Variants in MX2 observed in about 807,000 individuals in gnomAD.
The protein encoded by MX2 is interferon-induced GTP-binding protein Mx2.
Under a neutral mutation model 74.0 loss-of-function variants are expected in MX2, and 51 were observed. The observed-to-expected ratio is 0.69, with a 90% CI of 0.55 to 0.87. The LOEUF (loss-of-function observed/expected upper bound fraction) is 0.87, where lower values mean the gene tolerates loss of function less well. Among genes scored for constraint, MX2 ranks in the 40% least tolerant of loss-of-function variants. The pLI, the probability that MX2 is intolerant of heterozygous loss-of-function variation, is 0.00. For missense variants in MX2, 832 were observed against 908.7 expected (o/e 0.92, Z 1.09); for synonymous variants, 369 against 339.3 (o/e 1.09, Z -0.96).
At chr21:41,386,799 G>A (rs2089584040) in intron 5 of MX2, among the ~76,000 whole-genome samples, 1 of 152,198 alleles carries the variant, frequency 6.6e-6, no homozygotes, top group African/African-American at 2.4e-5. Context: ...TGGAACTTCA[G>A]CCTTTGCTTG....
At chr21:41,407,354 A>G (rs1403981974) in intron 13 of MX2, among the ~76,000 whole-genome samples, 1 of 152,158 alleles carries the variant, frequency 6.6e-6, no homozygotes, top group African/African-American at 2.4e-5. Flanking sequence ...TGTGACTATA[A>G]ACTAGCTTTC....
chr21:41,377,106 C>T lies in MX2; in HGVS notation c.200C>T (p.Thr67Ile), dbSNP rs1424895290. Residue 67 changes from threonine (T) to isoleucine (I), a missense_variant, in exon 2 of 14, where the codon ACT (threonine) becomes ATT (isoleucine). By Grantham distance (89) the Thr-to-Ile change is moderately conservative. Transcript: ENST00000330714. Reference sequence around the variant, plus strand: ...CTCGCCAAGGACTTCAACTTTCTCACTTTGAACAATCAGCCACCACCAGGA... The same window carrying T: ...CTCGCCAAGGACTTCAACTTTCTCATTTTGAACAATCAGCCACCACCAGGA... ...AFLAKDFNFL[T>I]LNNQPPPGNR... is the part of the protein sequence containing the mutation. 6.2e-7 allele frequency: 1 copy of T among 1,614,218 alleles called. No individual in the cohort carries two copies. The highest frequency in any genetic ancestry group is 1.1e-5 in the South Asian group (1 of 91,084).
At chr21:41,377,655 C>T (rs2089424496) in intron 2 of MX2, 134 bp from the exon 3 acceptor site, 2 of 875,296 alleles carry the variant, frequency 2.3e-6, no homozygotes, top group Non-Finnish European at 3.5e-6. Context: ...CAGCAGCACC[C>T]CTCCATCCAC....
rs112560420 is a variant in MX2, at chr21:41,385,607, T to C, written c.732+3043T>C. ...TCTGTACAAATTTCGCTGTCTCTGG[T>C]ATGTCTTTATGAGCAGTGTGAGAAC... On this transcript the variant is annotated intron_variant, in intron 5 of 13. Coordinates refer to ENST00000330714, the MANE Select transcript of MX2 (RefSeq NM_002463.2). Among the ~76,000 whole-genome samples the C allele has an allele frequency of 3.4e-3, 514 of 152,280 alleles. 9 individuals carry two copies. The highest frequency in any genetic ancestry group is 0.012 in the African/African-American group (502 of 41,546).
chr21:41,395,691 A>C lies in MX2; in HGVS notation c.976A>C (p.Lys326Gln), dbSNP rs2089725176. Residue 326 changes from lysine (K) to glutamine (Q), a missense_variant, in exon 7 of 14, where the codon AAG (lysine) becomes CAG (glutamine). Transcript: ENST00000330714. ...CCTCAAGAAGGGCTACATGATTGTG[A>C]AGTGCCGGGGCCAGCAGGAGATCAC... The part of the protein sequence containing the change: ...YPLKKGYMIV[K>Q]CRGQQEITNR... 1 of 1,614,218 alleles carries C rather than the reference A, an allele frequency of 6.2e-7. No individual in the cohort carries two copies. Among genetic ancestry groups the C allele is most frequent in the African/African-American group, 1.3e-5 (1 of 75,050 alleles).
chr21:41,393,960 G>T (rs994379593), intron 6 of MX2, among the ~76,000 whole-genome samples: 1 of 152,120 alleles, frequency 6.6e-6, no homozygotes, highest in Non-Finnish European at 1.5e-5. Context: ...CAAGTCTAAT[G>T]TATCTGAAGT....
rs1454043472 is a variant in MX2, at chr21:41,402,045, A to T, written c.1490A>T (p.Asn497Ile). The T allele has an allele frequency of 6.2e-7, 1 of 1,614,218 alleles. No homozygotes were observed. The highest frequency in any genetic ancestry group is 8.5e-7 in the Non-Finnish European group (1 of 1,180,046). Reference sequence around the variant, plus strand: ...GGCAAGGAGCTTCTGGGATTTGTCAACTACAAGACATTTGAGATCATCGTG... The same window carrying T: ...GGCAAGGAGCTTCTGGGATTTGTCATCTACAAGACATTTGAGATCATCGTG... ...YRGKELLGFV[N>I]YKTFEIIVHQ... is the part of the protein sequence containing the mutation. The change falls in exon 11 of 14, where the codon AAC becomes ATC. Residue 497 changes from asparagine to isoleucine, a missense_variant. Physicochemically the swap from Asn to Ile is moderately radical, Grantham distance 149 (BLOSUM62 -3). Coordinates refer to ENST00000330714, the MANE Select transcript of MX2 (RefSeq NM_002463.2). This position sits in a 1 kb window ranked among gnomAD's most constrained non-coding sequence, Gnocchi z 4.5.
At chr21:41,378,105 C>A in intron 3 of MX2, 124 bp downstream of exon 3, 1 of 1,251,328 alleles carries the variant, frequency 8.0e-7, no homozygotes, top group South Asian at 1.5e-5. Context: ...AAAGACAGGA[C>A]GCTGGGAGAG....
At position 41,397,140 on chromosome 21, in the gene MX2, C is replaced by T. The variant is rs564806121; in HGVS notation, c.1071-473C>T. Among the ~76,000 whole-genome samples, 12 of 152,306 alleles carry T rather than the reference C, an allele frequency of 7.9e-5. No homozygotes were observed. The South Asian group carries it at 2.5e-3, about 32-fold the overall frequency. On this transcript the variant is annotated intron_variant, in intron 7 of 13. Transcript: ENST00000330714. ...TGGCAAACATGCTGCAGCCACGCTG[C>T]CTGCTGTGTGGCTGCAGCAAGCAAA...
At chr21:41,399,118 T>C (rs1259833794) in intron 9 of MX2, 78 bp from the exon 10 acceptor site, 1 of 1,594,666 alleles carries the variant, frequency 6.3e-7, no homozygotes, top group Non-Finnish European at 8.6e-7. Context: ...GGTGGGCGGG[T>C]GGACATCTCC....
intron 1 of MX2, among the ~76,000 whole-genome samples, chr21:41,375,314 G>A (rs1222716801): frequency 6.6e-6 from 1 of 152,254 alleles, no homozygotes; most frequent in Admixed American, 6.5e-5. Context: ...ACCACGTGGT[G>A]GAAAGTGCCT....
chr21:41,398,818 G>A (rs1480854239), intron 8 of MX2, 79 bp from the exon 9 acceptor site: 1 of 1,552,224 alleles, frequency 6.4e-7, no homozygotes, highest in East Asian at 2.3e-5. Context: ...GCTTTAAAGG[G>A]CTCCTACTCA....
chr21:41,377,296 C>G, intron 2 of MX2, 141 bp downstream of exon 2: 1 of 1,233,312 alleles, frequency 8.1e-7, no homozygotes, highest in Non-Finnish European at 1.1e-6. Context: ...CCTGGTCATG[C>G]CCAACAAGTA....
At chr21:41,403,576 G>A (rs779947493) in intron 12 of MX2, 1 of 732,116 alleles carries the variant, frequency 1.4e-6, no homozygotes, top group East Asian at 2.7e-5. Flanking sequence ...TGCGGCCCGT[G>A]CCCTGCCATC....
Position 41,408,111 on chromosome 21 carries a change from TCC to T in MX2, c.2027_2028del (p.Ser676LeufsTer8). On this transcript the variant is annotated frameshift_variant, in exon 14 of 14. Transcript: ENST00000330714. LOFTEE classifies it low-confidence loss of function (END_TRUNC). Reference protein sequence around the residue: ...MQILQEKNRYSWLLQEQSETA... With the variant: ...MQILQEKNRYXWLLQEQSETA... ...GATACTACAGGAAAAAAATCGCTAT[TCC>T]TGGCTGCTTCAAGAGCAGAGTGAGA... 1 of 1,614,140 alleles carries T rather than the reference TCC, an allele frequency of 6.2e-7. No individual in the cohort carries two copies. Among genetic ancestry groups the T allele is most frequent in the Non-Finnish European group, 8.5e-7 (1 of 1,180,030 alleles).
At chr21:41,401,453 G>C (rs1426910347) in intron 10 of MX2, 1 of 152,318 alleles carries the variant, frequency 6.6e-6, no homozygotes, top group African/African-American at 2.4e-5. Context: ...TCAGAGACAG[G>C]CTCTTGCCGT....
rs1277982428 is a variant in MX2 at position 41,377,935 on chromosome 21, C to T, written c.396C>T (p.Ser132=). ...TCGGGGACCAGAGCTCGGGCAAGAG[C>T]TCTGTGCTGGAGGCACTGTCAGGAG... ...AVIGDQSSGK[S]SVLEALSGVA... is the part of the protein sequence containing the mutation. Residue 132 remains serine (S), a synonymous_variant, in exon 3 of 14, where the codon AGC becomes AGT. Transcript: ENST00000330714. The T allele has an allele frequency of 1.2e-6, 2 of 1,614,234 alleles. No homozygotes were observed. Among genetic ancestry groups the T allele is most frequent in the Non-Finnish European group, 1.7e-6 (2 of 1,180,048 alleles).
At chr21:41,362,899 C>G (rs111230704) in intron 1 of MX2, among the ~76,000 whole-genome samples, 2,930 of 151,524 alleles carry the variant, frequency 0.019, 73 homozygotes, top group East Asian at 0.075. Flanking sequence ...GCTGGGACTA[C>G]AGGTGTGCAC....
intron 5 of MX2, among the ~76,000 whole-genome samples, chr21:41,386,160 C>CAGT (rs1321410897): frequency 8.1e-6 from 1 of 123,668 alleles, no homozygotes; most frequent in South Asian, 2.7e-4. Flanking sequence ...GCGGAGCTTG[C>CAGT]AGTGAGCTGA....
Sources: allele counts gnomAD v4.1 joint callset (sites outside exome capture counted in the v4.1 genomes callset), GRCh38; gene constraint gnomAD v4.1.1; non-coding constraint Gnocchi (gnomAD v3.1); transcripts MANE v1.5; gene names NCBI Gene and HGNC (gene_info 2026-07-23, HGNC 2026-07-21).